Variants in APBB1IP observed in about 807,000 individuals in gnomAD.
APBB1IP encodes the protein amyloid beta precursor protein binding family B member 1 interacting protein, also known as amyloid beta A4 precursor protein-binding family B member 1-interacting protein.
A neutral mutation model predicts 64.9 loss-of-function variants in APBB1IP; 27 were observed. The ratio of observed to expected loss-of-function variants is 0.42; its 90% confidence interval spans 0.31 to 0.57. The LOEUF (loss-of-function observed/expected upper bound fraction) is 0.57, where lower values mean the gene tolerates loss of function less well. APBB1IP is among the 20% of genes least tolerant of loss of function. The pLI is 0.20. For missense variants in APBB1IP, 812 were observed against 845.5 expected, an observed-to-expected ratio of 0.96 and a Z score of 0.49; for synonymous variants, 392 against 331.0, an observed-to-expected ratio of 1.18 and a Z score of -2.00.
At chr10:26,551,942 G>A (rs1255242876) in intron 11 of APBB1IP, among the ~76,000 whole-genome samples, 1 of 151,912 alleles carries the variant, frequency 6.6e-6, no homozygotes, top group East Asian at 1.9e-4. Flanking sequence ...TGGATGGATG[G>A]ATGGATGGAT....
intron 2 of APBB1IP, among the ~76,000 whole-genome samples, chr10:26,448,129 A>C (rs1835421739): frequency 7.7e-6 from 1 of 129,646 alleles, no homozygotes. Context: ...ATAAATTTTT[A>C]CTAAAAATTT....
chr10:26,556,093 C>T (rs188524829), intron 11 of APBB1IP, among the ~76,000 whole-genome samples: 3 of 152,330 alleles, frequency 2.0e-5, no homozygotes, highest in South Asian at 4.1e-4. Context: ...AGTCCACAAT[C>T]GCCCTGACCT....
chr10:26,506,766 A>T (rs1417325987), intron 6 of APBB1IP, among the ~76,000 whole-genome samples: 1 of 152,112 alleles, frequency 6.6e-6, no homozygotes, highest in African/African-American at 2.4e-5. Context: ...TCAGGATCAC[A>T]CAGAGGTGAA....
intron 3 of APBB1IP, among the ~76,000 whole-genome samples, chr10:26,495,013 CT>C (rs536538794): frequency 1.8e-3 from 257 of 140,162 alleles, no homozygotes; most frequent in Middle Eastern, 3.6e-3. Flanking sequence ...CTTTCTTTTT[CT>C]TTTTTTTTTT....
In APBB1IP at chr10:26,524,955, C is replaced by CTTTTTTTTTTTTTTTTTTTTTTTTTTT. The variant is rs56982662; in HGVS notation, c.814-8465_814-8464insTTTTTTTTTTTTTTTTTTTTTTTTTTT. 7.3e-4 allele frequency among the ~76,000 whole-genome samples: 54 copies of CTTTTTTTTTTTTTTTTTTTTTTTTTTT among 73,940 alleles called. 4 individuals carry two copies. Among genetic ancestry groups the CTTTTTTTTTTTTTTTTTTTTTTTTTTT allele is most frequent in the Admixed American group, 2.6e-3 (12 of 4,700 alleles). 48.5% of individuals were successfully genotyped at this position (73,940 alleles called of 152,430 possible). On this transcript the variant is annotated intron_variant, in intron 8 of 14. Transcript: ENST00000376236. ...TCTTTTTCTTTCTCTTTCTTTCTTT[C>CTTTTTTTTTTTTTTTTTTTTTTTTTTT]TTTTTTTTTTTTTTTTTTTATAAAA... is the stretch of plus-strand genomic sequence containing the variant.
intron 8 of APBB1IP, among the ~76,000 whole-genome samples, chr10:26,518,946 C>A (rs1240134000): frequency 6.6e-6 from 1 of 152,116 alleles, no homozygotes; most frequent in Non-Finnish European, 1.5e-5. Flanking sequence ...GTTTTGTGTA[C>A]AGCAAGCTAC....
At chr10:26,532,574 T>C (rs1836567979) in intron 8 of APBB1IP, among the ~76,000 whole-genome samples, 2 of 152,134 alleles carry the variant, frequency 1.3e-5, no homozygotes, top group South Asian at 2.1e-4. Flanking sequence ...CTCAAACTCC[T>C]GGGCTCAAGC....
chr10:26,454,196 T>C (rs1487247636), intron 2 of APBB1IP, among the ~76,000 whole-genome samples: 2 of 152,112 alleles, frequency 1.3e-5, no homozygotes, highest in Non-Finnish European at 2.9e-5. Context: ...ATACCAGCAC[T>C]TTGGGAGGCT....
chr10:26,490,604 G>A (rs907748598), intron 2 of APBB1IP, among the ~76,000 whole-genome samples: 2 of 152,174 alleles, frequency 1.3e-5, no homozygotes, highest in Admixed American at 6.5e-5. Flanking sequence ...CAGCCTGGGC[G>A]ACAAGAGCAA....
At chr10:26,551,814 T>C (rs1191605863) in intron 11 of APBB1IP, among the ~76,000 whole-genome samples, 2 of 152,234 alleles carry the variant, frequency 1.3e-5, no homozygotes, top group African/African-American at 4.8e-5. Context: ...CTTTTTCTAT[T>C]GTGTTCACTA....
chr10:26,465,853 C>T (rs1835642074), intron 2 of APBB1IP, among the ~76,000 whole-genome samples: 2 of 152,166 alleles, frequency 1.3e-5, no homozygotes. Context: ...TAATATATTG[C>T]CAGATGCAGG....
intron 2 of APBB1IP, among the ~76,000 whole-genome samples, chr10:26,450,907 G>A (rs542181806): frequency 6.6e-6 from 1 of 152,150 alleles, no homozygotes; most frequent in South Asian, 2.1e-4. Flanking sequence ...TATTGGTCAG[G>A]CTGGTCTCGA....
At chr10:26,505,742 C>T (rs573693087) in intron 6 of APBB1IP, among the ~76,000 whole-genome samples, 4 of 150,124 alleles carry the variant, frequency 2.7e-5, no homozygotes, top group South Asian at 2.1e-4. Flanking sequence ...TATCTACCTG[C>T]GTGCATCTGT....
At position 26,506,614 on chromosome 10, in the gene APBB1IP, T is replaced by A. The variant is rs563684938; in HGVS notation, c.531+3340T>A. Among the ~76,000 whole-genome samples the A allele has an allele frequency of 2.6e-5, 4 of 151,998 alleles. No homozygotes were observed. In the South Asian group the frequency reaches 8.3e-4, roughly 32 times the overall value. On this transcript the variant is annotated intron_variant, in intron 6 of 14. Coordinates refer to ENST00000376236, the MANE Select transcript of APBB1IP (RefSeq NM_019043.4). ...ATTCCAGCACTTTGGGAGGTTGAAG[T>A]GGGAGGATTGCTTCGCCTGGCCTAC...
chr10:26,518,717 T>A (rs950340607), intron 8 of APBB1IP, among the ~76,000 whole-genome samples: 2 of 152,220 alleles, frequency 1.3e-5, no homozygotes, highest in Non-Finnish European at 1.5e-5. Context: ...ATACCCACTT[T>A]TGTGAAGTGC....
At chr10:26,446,263 G>A (rs1835397089) in intron 2 of APBB1IP, among the ~76,000 whole-genome samples, 1 of 152,094 alleles carries the variant, frequency 6.6e-6, no homozygotes, top group Non-Finnish European at 1.5e-5. Context: ...TGACAGTTAG[G>A]GCAATGAACT....
chr10:26,514,199 T>A (rs970171738), intron 8 of APBB1IP, among the ~76,000 whole-genome samples: 1 of 152,242 alleles, frequency 6.6e-6, no homozygotes, highest in Non-Finnish European at 1.5e-5. Context: ...TTTGCTTTTT[T>A]TCATTCCAAA....
At chr10:26,535,248 T>C (rs1370981940) in intron 9 of APBB1IP, among the ~76,000 whole-genome samples, 2 of 152,182 alleles carry the variant, frequency 1.3e-5, no homozygotes, top group Admixed American at 1.3e-4. Flanking sequence ...ATAACTGCCT[T>C]CTTCCTTCTT....
rs75366796 is a variant in APBB1IP, at chr10:26,486,287, C to A, written c.1-6040C>A. On this transcript the variant is annotated intron_variant, in intron 2 of 14. Transcript: ENST00000376236. ...GTGGTGGTGAATATTGATGGGGAGTCTGGAAGGCTGGAGGCTGGGTGAGCT... is the reference window on the plus strand; with the variant it reads ...GTGGTGGTGAATATTGATGGGGAGTATGGAAGGCTGGAGGCTGGGTGAGCT... Among the ~76,000 whole-genome samples, 665 of 152,060 alleles carry A rather than the reference C, an allele frequency of 4.4e-3. 10 individuals are homozygous for A. Among genetic ancestry groups the A allele is most frequent in the African/African-American group, 0.014 (585 of 41,484 alleles).
Sources: allele counts gnomAD v4.1 joint callset (sites outside exome capture counted in the v4.1 genomes callset), GRCh38; gene constraint gnomAD v4.1.1; transcripts MANE v1.5; gene names NCBI Gene and HGNC (gene_info 2026-07-23, HGNC 2026-07-21).